The following MCTP1 variants were observed in gnomAD, a reference collection of about 807,000 sequenced individuals.
MCTP1 encodes the protein multiple C2 and transmembrane domain containing 1.
Under a neutral mutation model 120.6 loss-of-function variants are expected in MCTP1, and 69 were observed. That is an observed-to-expected ratio of 0.57 (90% CI 0.47 to 0.70). MCTP1 has a LOEUF of 0.70. Among genes scored for constraint, MCTP1 ranks in the 30% least tolerant of loss-of-function variants. MCTP1 has a pLI of 0.00. For synonymous variants in MCTP1, 529 were observed against 493.1 expected, an observed-to-expected ratio of 1.07 and a Z score of -0.96; for missense variants, 1,203 against 1,248.8, an observed-to-expected ratio of 0.96 and a Z score of 0.55.
chr5:94,786,210 C>T (rs935848740), intron 18 of MCTP1, among the ~76,000 whole-genome samples: 4 of 152,154 alleles, frequency 2.6e-5, no homozygotes, highest in East Asian at 1.9e-4. Context: ...GTGAGTGGAA[C>T]GGGTGTACAT....
At chr5:94,769,502 A>G (rs1284765853) in intron 19 of MCTP1, among the ~76,000 whole-genome samples, 1 of 152,158 alleles carries the variant, frequency 6.6e-6, no homozygotes, top group African/African-American at 2.4e-5. Context: ...TAAAAAATTG[A>G]AAAAACCAGT....
chr5:94,762,937 G>A (rs1771676281), intron 19 of MCTP1, among the ~76,000 whole-genome samples: 1 of 152,134 alleles, frequency 6.6e-6, no homozygotes, highest in Admixed American at 6.5e-5. Context: ...GGTAAGAAGG[G>A]AAAGTACTTT....
At chr5:94,711,055 T>C (rs138481351) in intron 20 of MCTP1, 128 bp from the exon 21 acceptor site, 53 of 706,934 alleles carry the variant, frequency 7.5e-5, no homozygotes, top group Admixed American at 1.2e-4. Context: ...CCAATTGTAA[T>C]AGGTTATCAG....
intron 1 of MCTP1, among the ~76,000 whole-genome samples, chr5:95,182,933 G>T (rs1203431051): frequency 2.6e-5 from 4 of 151,582 alleles, no homozygotes; most frequent in Non-Finnish European, 5.9e-5. Flanking sequence ...GGCTGAGGCA[G>T]GAGAATCGCT....
At chr5:94,730,243 C>T (rs571690647) in intron 19 of MCTP1, among the ~76,000 whole-genome samples, 2 of 152,262 alleles carry the variant, frequency 1.3e-5, no homozygotes, top group South Asian at 4.2e-4. Flanking sequence ...CCACTGCAGC[C>T]TTAACTTCTG....
At chr5:95,051,551 T>C (rs1745902808) in intron 1 of MCTP1, among the ~76,000 whole-genome samples, 1 of 152,192 alleles carries the variant, frequency 6.6e-6, no homozygotes, top group South Asian at 2.1e-4. Flanking sequence ...TCTCCAAATT[T>C]CTGTTCTTTC....
chr5:95,261,809 T>C (rs1281671883), intron 1 of MCTP1, among the ~76,000 whole-genome samples: 2 of 152,242 alleles, frequency 1.3e-5, no homozygotes, highest in African/African-American at 2.4e-5. Flanking sequence ...TGGGGGTGGA[T>C]TGGGCTGCCC....
intron 19 of MCTP1, among the ~76,000 whole-genome samples, chr5:94,746,257 G>C (rs982116544): frequency 6.6e-6 from 1 of 152,122 alleles, no homozygotes; most frequent in Admixed American, 6.5e-5. Context: ...CACTTGACTG[G>C]AGCCCTTTCT....
intron 2 of MCTP1, among the ~76,000 whole-genome samples, chr5:95,008,052 A>G (rs2153651081): frequency 6.6e-6 from 1 of 152,294 alleles, no homozygotes; most frequent in African/African-American, 2.4e-5. Flanking sequence ...TCTTTAAGAA[A>G]CAGAACGCCT....
chr5:95,248,525 C>T (rs1757051388), intron 1 of MCTP1, among the ~76,000 whole-genome samples: 2 of 152,128 alleles, frequency 1.3e-5, no homozygotes, highest in African/African-American at 4.8e-5. Context: ...AAAGAGGACA[C>T]AAGCAAATGG....
chr5:94,882,860 G>T (rs1800422132), intron 12 of MCTP1, among the ~76,000 whole-genome samples: 1 of 152,054 alleles, frequency 6.6e-6, no homozygotes, highest in Admixed American at 6.6e-5. Context: ...CTAACCATGT[G>T]ACCTGCATAT....
intron 17 of MCTP1, among the ~76,000 whole-genome samples, chr5:94,827,656 G>T (rs1787497681): frequency 6.6e-6 from 1 of 151,794 alleles, no homozygotes; most frequent in African/African-American, 2.4e-5. Flanking sequence ...TGGAGGCTTT[G>T]TTCATTCCTT....
chr5:95,259,208 C>T (rs1002771346), intron 1 of MCTP1, among the ~76,000 whole-genome samples: 4 of 152,266 alleles, frequency 2.6e-5, no homozygotes, highest in African/African-American at 9.6e-5. Context: ...TCATCCCTGC[C>T]AACATTTCTG....
At chr5:95,028,067 C>A (rs1453868079) in intron 1 of MCTP1, among the ~76,000 whole-genome samples, 1 of 152,212 alleles carries the variant, frequency 6.6e-6, no homozygotes, top group Non-Finnish European at 1.5e-5. Flanking sequence ...CAATGCTCTG[C>A]AGCTACTAAG....
chr5:94,879,764 T>C (rs373750537), intron 12 of MCTP1, among the ~76,000 whole-genome samples: 1 of 152,150 alleles, frequency 6.6e-6, no homozygotes, highest in Non-Finnish European at 1.5e-5. Flanking sequence ...ATTATGAAGA[T>C]AGTTTTGGCT....
intron 1 of MCTP1, among the ~76,000 whole-genome samples, chr5:95,106,240 T>A (rs1156704813): frequency 6.6e-6 from 1 of 152,164 alleles, no homozygotes; most frequent in African/African-American, 2.4e-5. Context: ...CATGACAAGG[T>A]CACCTCAGGC....
chr5:95,152,998 C>T (rs1744706055), intron 1 of MCTP1, among the ~76,000 whole-genome samples: 1 of 152,086 alleles, frequency 6.6e-6, no homozygotes, highest in African/African-American at 2.4e-5. Context: ...TTCCATTGAC[C>T]AGGGAGAAAA....
At chr5:95,034,023 A>G (rs1840786001) in intron 1 of MCTP1, among the ~76,000 whole-genome samples, 1 of 151,986 alleles carries the variant, frequency 6.6e-6, no homozygotes. Flanking sequence ...CCAAAGAGGT[A>G]AAAGATCTCT....
intron 19 of MCTP1, among the ~76,000 whole-genome samples, chr5:94,761,623 T>G (rs1268930126): frequency 6.6e-6 from 1 of 152,218 alleles, no homozygotes. Flanking sequence ...TATTTCTTAA[T>G]GCTACATGAC....
Sources: allele counts gnomAD v4.1 joint callset (sites outside exome capture counted in the v4.1 genomes callset), GRCh38; gene constraint gnomAD v4.1.1; transcripts MANE v1.5; gene names NCBI Gene and HGNC (gene_info 2026-07-23, HGNC 2026-07-21).